The following BCCIP variants were observed in gnomAD, a reference collection of about 807,000 sequenced individuals.
BCCIP encodes the protein BRCA2 and CDKN1A interacting protein.
In BCCIP, 23 loss-of-function variants were observed where a neutral mutation model predicts 32.8. The ratio of observed to expected loss-of-function variants is 0.70; its 90% CI spans 0.51 to 0.99. BCCIP has a LOEUF of 0.99. Ranked by LOEUF, BCCIP falls within the 50% of genes least tolerant of loss-of-function variation. BCCIP has a pLI of 0.00. For missense variants in BCCIP, 378 were observed against 379.8 expected, an observed-to-expected ratio of 1.00 and a Z score of 0.04; for synonymous variants, 144 against 137.6, an observed-to-expected ratio of 1.05 and a Z score of -0.33.
chr10:125,845,147 C>G (rs1234967083), downstream of BCCIP, among the ~76,000 whole-genome samples: 1 of 152,214 alleles, frequency 6.6e-6, no homozygotes, highest in Non-Finnish European at 1.5e-5. Flanking sequence ...AAGGCCACGG[C>G]AGTTCCAGAG....
rs368816668 is a variant in BCCIP at position 125,828,404 on chromosome 10, A to G, written c.321+766A>G. Among the ~76,000 whole-genome samples the G allele has an allele frequency of 3.0e-4, 46 of 152,278 alleles. No homozygotes were observed. The South Asian group carries it at 9.3e-3, about 31-fold the overall frequency. On this transcript the variant is annotated intron_variant, in intron 3 of 6. Transcript: ENST00000278100. ...TACTGAGGTCGTAGAAGTGATTGAGATTGCGCAGGGAGGGAAGGGACAGAC... is the reference window on the plus strand; with the variant it reads ...TACTGAGGTCGTAGAAGTGATTGAGGTTGCGCAGGGAGGGAAGGGACAGAC...
Position 125,823,570 on chromosome 10 carries a change from T to G in BCCIP, c.13T>G (p.Ser5Ala). 2 of 1,613,642 alleles carry G rather than the reference T, an allele frequency of 1.2e-6. No individual in the cohort carries two copies. Among genetic ancestry groups the G allele is most frequent in the Non-Finnish European group, 1.7e-6 (2 of 1,179,846 alleles). The change falls in exon 1 of 7, where the codon TCT (serine) becomes GCT (alanine). Residue 5 changes from serine (S) to alanine (A), a missense_variant. By Grantham distance (99) the Ser-to-Ala change is moderately conservative (BLOSUM62 1). Transcript: ENST00000278100. MASRSKRRAVESGVP... is the reference protein window; with the variant it reads MASRAKRRAVESGVP... Reference sequence around the variant, plus strand: ...TGTGAGCGGCAACATGGCGTCCAGGTCTAAGCGGCGTGCCGTGGAAAGTGG... The same window carrying G: ...TGTGAGCGGCAACATGGCGTCCAGGGCTAAGCGGCGTGCCGTGGAAAGTGG...
At chr10:125,847,990 C>T (rs1001877401) in intron 7 of BCCIP, among the ~76,000 whole-genome samples, 2 of 152,184 alleles carry the variant, frequency 1.3e-5, no homozygotes, top group Non-Finnish European at 2.9e-5. Context: ...AACTGGTACC[C>T]ATCACTGCCT....
Position 125,833,884 on chromosome 10 carries a change from C to T in BCCIP, c.712C>T (p.Pro238Ser), listed in dbSNP as rs1854585364. The T allele has an allele frequency of 6.2e-7, 1 of 1,614,122 alleles. No homozygotes were observed. Among genetic ancestry groups the T allele is most frequent in the Non-Finnish European group, 8.5e-7 (1 of 1,180,014 alleles). The change falls in exon 6 of 7, where the codon CCT becomes TCT. Residue 238 changes from proline to serine, a missense_variant. By Grantham distance (74) the Pro-to-Ser change is moderately conservative. Transcript: ENST00000278100. ...AGGAAAAAACAATTCCAAAAAGAAA[C>T]CTAGCAACAAAAAGAAAGCTGCGTT... ...EAGKNNSKKK[P>S]SNKKKAALMF...
intron 7 of BCCIP, among the ~76,000 whole-genome samples, chr10:125,851,481 C>T (rs1944088576): frequency 6.6e-6 from 1 of 152,208 alleles, no homozygotes; most frequent in African/African-American, 2.4e-5. Flanking sequence ...GTCCACCAAA[C>T]ATCTACTACC....
chr10:125,839,218 G>C (rs141930160), downstream of BCCIP: 5 of 1,604,400 alleles, frequency 3.1e-6, no homozygotes, highest in African/African-American at 2.7e-5. Flanking sequence ...AGGCTATTTA[G>C]AAATGATTTG....
intron 7 of BCCIP, among the ~76,000 whole-genome samples, chr10:125,851,801 G>C (rs1944092421): frequency 6.6e-6 from 1 of 151,690 alleles, no homozygotes; most frequent in Non-Finnish European, 1.5e-5. Flanking sequence ...TGCACCTGTG[G>C]TCCCAGCTAT....
intron 7 of BCCIP, chr10:125,853,066 C>A: frequency 8.0e-7 from 1 of 1,246,244 alleles, no homozygotes; most frequent in South Asian, 1.4e-5. Context: ...ACTGAGAGTT[C>A]CAATCATAAC....
chr10:125,841,636 C>G, exon 7 of BCCIP: 1 of 1,493,186 alleles, frequency 6.7e-7, no homozygotes. Flanking sequence ...GAGTTGATCA[C>G]TATCTCTGCT....
intron 5 of BCCIP, among the ~76,000 whole-genome samples, chr10:125,832,677 G>A (rs1854550165): frequency 6.6e-6 from 1 of 152,028 alleles, no homozygotes; most frequent in South Asian, 2.1e-4. Context: ...GCCTGTAGTC[G>A]CAGCTACTCA....
chr10:125,851,281 A>T (rs1293534492), intron 7 of BCCIP, among the ~76,000 whole-genome samples: 1 of 152,350 alleles, frequency 6.6e-6, no homozygotes, highest in Non-Finnish European at 1.5e-5. Context: ...CACAGCAGAA[A>T]AGTTATGTGT....
At chr10:125,836,790 A>G, downstream of BCCIP, 1 of 1,614,154 alleles carries the variant, frequency 6.2e-7, no homozygotes, top group African/African-American at 1.3e-5. Flanking sequence ...TACTTGCTGT[A>G]GAATGTCCTT....
exon 8 of BCCIP, chr10:125,853,437 TAAAG>T (rs1011337985): frequency 1.3e-5 from 4 of 315,628 alleles, no homozygotes; most frequent in East Asian, 5.4e-5. Context: ...TTAAAAGTAA[TAAAG>T]AATATTTTGT....
At chr10:125,829,689 T>A (rs1854479530) in intron 3 of BCCIP, among the ~76,000 whole-genome samples, 1 of 152,236 alleles carries the variant, frequency 6.6e-6, no homozygotes, top group South Asian at 2.1e-4. Context: ...TTCCTTTTAT[T>A]AGGGCAATGG....
At chr10:125,835,348 A>G (rs542318918) in intron 6 of BCCIP, among the ~76,000 whole-genome samples, 491 of 152,298 alleles carry the variant, frequency 3.2e-3, no homozygotes, top group African/African-American at 0.011. Context: ...TGGGAGGCCA[A>G]GGCGGGCGGA....
rs1854229896 is a variant in BCCIP at position 125,823,566 on chromosome 10, C to T, written c.9C>T (p.Ser3=). 6.2e-7 allele frequency: 1 copy of T among 1,613,766 alleles called. No individual in the cohort carries two copies. The highest frequency in any genetic ancestry group is 8.5e-7 in the Non-Finnish European group (1 of 1,179,880). MA[S]RSKRRAVESG... ...GCAGTGTGAGCGGCAACATGGCGTC[C>T]AGGTCTAAGCGGCGTGCCGTGGAAA... The change falls in exon 1 of 7, where the codon TCC becomes TCT. Residue 3 remains serine, a synonymous_variant. Coordinates refer to ENST00000278100, the MANE Select transcript of BCCIP (RefSeq NM_078468.3).
chr10:125,829,216 G>A (rs943178274), intron 3 of BCCIP, among the ~76,000 whole-genome samples: 8 of 152,190 alleles, frequency 5.3e-5, no homozygotes, highest in African/African-American at 1.9e-4. Context: ...TTCTGTCTCT[G>A]AAAATGAGGA....
chr10:125,823,871 G>C, intron 1 of BCCIP, 149 bp downstream of exon 1: 1 of 1,197,616 alleles, frequency 8.3e-7, no homozygotes, highest in East Asian at 2.4e-5. Flanking sequence ...GTTTCTCCTC[G>C]GTCTTTAACA....
At chr10:125,829,686 T>C (rs994346381) in intron 3 of BCCIP, among the ~76,000 whole-genome samples, 3 of 152,224 alleles carry the variant, frequency 2.0e-5, no homozygotes, top group African/African-American at 7.2e-5. Flanking sequence ...GCATTCCTTT[T>C]ATTAGGGCAA....
Sources: allele counts gnomAD v4.1 joint callset (sites outside exome capture counted in the v4.1 genomes callset), GRCh38; gene constraint gnomAD v4.1.1; transcripts MANE v1.5; gene names NCBI Gene and HGNC (gene_info 2026-07-23, HGNC 2026-07-21).